SRSF11: variants seen among roughly 807,000 people sequenced by gnomAD.
SRSF11 encodes the protein serine/arginine-rich splicing factor 11.
A neutral mutation model predicts 56.0 loss-of-function variants in SRSF11; 9 were observed. The observed-to-expected ratio is 0.16, with a 90% CI of 0.10 to 0.28. SRSF11 has a LOEUF of 0.28. SRSF11 is among the 10% of genes least tolerant of loss of function. The probability of loss-of-function intolerance (pLI) is 1.00; values close to 1 mark genes in which losing one functional copy is unlikely to be tolerated. For synonymous variants in SRSF11, 222 were observed against 215.3 expected (o/e 1.03, Z -0.27); for missense variants, 421 against 600.7 (o/e 0.70, Z 3.13).
chr1:70,216,150 A>G (rs545572257), intron 1 of SRSF11, among the ~76,000 whole-genome samples: 2 of 152,190 alleles, frequency 1.3e-5, no homozygotes, highest in South Asian at 4.1e-4. Flanking sequence ...GAAGCTTGAG[A>G]TGGAAAAGAA....
At chr1:70,237,287 A>C in intron 5 of SRSF11, 138 bp from the exon 6 acceptor site, 1 of 1,049,638 alleles carries the variant, frequency 9.5e-7, no homozygotes, top group East Asian at 2.6e-5. Context: ...GTTGTTTACC[A>C]AAGTTATCAT....
chr1:70,237,290 G>A, intron 5 of SRSF11, 135 bp from the exon 6 acceptor site: 1 of 1,079,942 alleles, frequency 9.3e-7, no homozygotes, highest in South Asian at 1.5e-5. Flanking sequence ...GTTTACCAAA[G>A]TTATCATGGA....
At chr1:70,233,213 T>G (rs1673202768) in intron 3 of SRSF11, among the ~76,000 whole-genome samples, 1 of 151,906 alleles carries the variant, frequency 6.6e-6, no homozygotes, top group Non-Finnish European at 1.5e-5. Context: ...CTGTTTTGTT[T>G]TGTTTTTTTT....
At chr1:70,232,446 T>C in intron 3 of SRSF11, 69 bp downstream of exon 3, 1 of 1,257,716 alleles carries the variant, frequency 8.0e-7, no homozygotes, top group South Asian at 1.4e-5. Context: ...TAAACATATT[T>C]GAACTTTGTA....
intron 8 of SRSF11, among the ~76,000 whole-genome samples, chr1:70,245,278 T>TAAGCCAAAAA (rs1381414815): frequency 6.6e-6 from 1 of 152,210 alleles, no homozygotes; most frequent in East Asian, 1.9e-4. Context: ...GAAGCAACTC[T>TAAGCCAAAAA]ATATTTGGCA....
In SRSF11 at chr1:70,229,097, G is replaced by A; in HGVS notation, c.337+542G>A. On this transcript the variant is annotated intron_variant, in intron 2 of 11. Coordinates refer to ENST00000370949, the MANE Select transcript of SRSF11 (RefSeq NM_001350605.2). ...TTCCTGTAGCTTAGGTGCCAAATGG[G>A]CACTGGGTGTTTTATTTTATGCCAG... is the stretch of plus-strand genomic sequence containing the variant. The A allele has an allele frequency of 2.6e-6, 3 of 1,170,210 alleles. No homozygotes were observed. The South Asian group carries it at 5.2e-5, about 20-fold the overall frequency. The allele number at this position is 1,170,210 out of a possible 1,614,324, so 72.5% of individuals were successfully genotyped here. A position where few individuals can be genotyped will look rare whatever the true frequency, so the allele number is the denominator to read the frequency against.
chr1:70,207,213 C>T (rs1324130398), intron 1 of SRSF11, among the ~76,000 whole-genome samples: 2 of 151,972 alleles, frequency 1.3e-5, no homozygotes, highest in Non-Finnish European at 2.9e-5. Flanking sequence ...GGAAAACGAC[C>T]GTAGCAGCTT....
rs757811575 is a variant in SRSF11 at position 70,251,627 on chromosome 1, C to G, written c.*822C>G. 1 of 152,400 alleles carries G rather than the reference C, an allele frequency of 6.6e-6. No homozygotes were observed. 9.4% of individuals were successfully genotyped at this position (152,400 alleles called of 1,614,324 possible). A position where few individuals can be genotyped will look rare whatever the true frequency, so the allele number is the denominator to read the frequency against. ...TCTTAAAGGAAAAAAAGAAAAAAACCTTATCTCTTGCCCTTATTTTGAATT... is the reference window on the plus strand; with the variant it reads ...TCTTAAAGGAAAAAAAGAAAAAAACGTTATCTCTTGCCCTTATTTTGAATT... On this transcript the variant is annotated 3_prime_UTR_variant, in exon 12 of 12. Coordinates refer to ENST00000370949, the MANE Select transcript of SRSF11 (RefSeq NM_001350605.2).
chr1:70,236,953 A>G lies in SRSF11; in HGVS notation c.591-472A>G, dbSNP rs1258191489. 4.6e-5 allele frequency among the ~76,000 whole-genome samples: 7 copies of G among 151,604 alleles called. No individual in the cohort carries two copies. In the East Asian group the frequency reaches 9.8e-4, roughly 21 times the overall value. On this transcript the variant is annotated intron_variant, in intron 5 of 11. Transcript: ENST00000370949. ...CAGGCGCCTGCCACCATGCCTGGCT[A>G]GTTTTTTGTATTTTGAGTAGAGATG...
Position 70,221,498 on chromosome 1 carries a change from G to A in SRSF11, c.-139G>A. On this transcript the variant is annotated 5_prime_UTR_variant, in exon 1 of 12. Transcript: ENST00000370949. Reference sequence around the variant, plus strand: ...GGGCGGAGAAACGGCGGCGGCGGCGGCGGCATCGGCAGCAGTAGCAGAGGC... The same window carrying A: ...GGGCGGAGAAACGGCGGCGGCGGCGACGGCATCGGCAGCAGTAGCAGAGGC... 8.0e-7 allele frequency: 1 copy of A among 1,245,214 alleles called. No individual in the cohort carries two copies. The highest frequency in any genetic ancestry group is 1.1e-6 in the Non-Finnish European group (1 of 911,112). The allele number at this position is 1,245,214 out of a possible 1,614,324, so 77.1% of individuals were successfully genotyped here.
chr1:70,240,551 A>G (rs897638073), intron 7 of SRSF11, among the ~76,000 whole-genome samples: 19 of 152,200 alleles, frequency 1.2e-4, no homozygotes, highest in African/African-American at 3.9e-4. Context: ...CAGTTGTGCA[A>G]ACGACAATAT....
intron 1 of SRSF11, chr1:70,222,627 C>T (rs987740011): frequency 6.6e-6 from 1 of 152,124 alleles, no homozygotes; most frequent in African/African-American, 2.4e-5. Context: ...AAGTGTACTA[C>T]TAAAACAGAC....
chr1:70,229,480 G>A (rs945098433), intron 2 of SRSF11: 14 of 984,894 alleles, frequency 1.4e-5, no homozygotes, highest in African/African-American at 3.5e-5. Flanking sequence ...TTTCTAAGGC[G>A]TATTTTATAA....
At chr1:70,224,857 C>T (rs56299138) in intron 1 of SRSF11, among the ~76,000 whole-genome samples, 36,768 of 152,076 alleles carry the variant, frequency 0.24, 5,397 homozygotes, top group African/African-American at 0.39. Context: ...GAAATGCGTA[C>T]TGGAAATGCA....
rs3835560 is a variant in SRSF11, at chr1:70,228,998, GAA to G, written c.337+454_337+455del. ...AAAGCTTCCTCACATTGATAATCTGGAAAAAAAAAAAACACATTGAATTTCAG... is the reference window on the plus strand; with the variant it reads ...AAAGCTTCCTCACATTGATAATCTGGAAAAAAAAAACACATTGAATTTCAG... On this transcript the variant is annotated intron_variant, in intron 2 of 11. Transcript: ENST00000370949. 2.6e-3 allele frequency: 2,208 copies of G among 839,608 alleles called. 28 individuals are homozygous for G. In the African/African-American group the frequency reaches 0.034, roughly 13 times the overall value. 52.0% of individuals were successfully genotyped at this position (839,608 alleles called of 1,614,324 possible). A position where few individuals can be genotyped will look rare whatever the true frequency, so the allele number is the denominator to read the frequency against.
intron 1 of SRSF11, among the ~76,000 whole-genome samples, chr1:70,224,194 A>C (rs1671264784): frequency 6.6e-6 from 1 of 152,074 alleles, no homozygotes; most frequent in African/African-American, 2.4e-5. Context: ...AAGAGACTTG[A>C]GCATCTGTGG....
chr1:70,228,552 G>A lies in SRSF11; in HGVS notation c.334G>A (p.Glu112Lys). 1.2e-6 allele frequency: 2 copies of A among 1,612,526 alleles called. No homozygotes were observed. The highest frequency in any genetic ancestry group is 1.7e-6 in the Non-Finnish European group (2 of 1,179,252). ...DRALIVVPYA[E>K]GVIPDEAKAL... Reference sequence around the variant, plus strand: ...AGCTTTGATAGTCGTACCATATGCAGAAGGTTTGTGCTTTGTTTAACTACC... The same window carrying A: ...AGCTTTGATAGTCGTACCATATGCAAAAGGTTTGTGCTTTGTTTAACTACC... Residue 112 changes from glutamate (E) to lysine (K), a missense_variant, in exon 2 of 12, where the codon GAA becomes AAA. This residue lies in a region of SRSF11 where 168 missense variants were observed against 294.9 expected (regional missense o/e 0.57). Coordinates refer to ENST00000370949, the MANE Select transcript of SRSF11 (RefSeq NM_001350605.2).
Position 70,221,414 on chromosome 1 carries a change from T to G in SRSF11, c.-223T>G, listed in dbSNP as rs1013591926. 2,208 of 447,512 alleles carry G rather than the reference T, an allele frequency of 4.9e-3. No individual in the cohort carries two copies. The highest frequency in any genetic ancestry group is 8.5e-3 in the East Asian group (194 of 22,926). The allele number at this position is 447,512 out of a possible 1,614,324, so 27.7% of individuals were successfully genotyped here. A position where few individuals can be genotyped will look rare whatever the true frequency, so the allele number is the denominator to read the frequency against. On this transcript the variant is annotated 5_prime_UTR_variant, in exon 1 of 12. Transcript: ENST00000370949. ...GTTGGAGGCGAGGTGGGGCGGCCGT[T>G]TGTTTTCTCGTGGTCTCGAGCTCGC... is the stretch of plus-strand genomic sequence containing the variant.
chr1:70,216,915 C>G (rs892283058), upstream of SRSF11, among the ~76,000 whole-genome samples: 5 of 152,216 alleles, frequency 3.3e-5, no homozygotes, highest in Admixed American at 2.0e-4. Context: ...ATTCACTTCA[C>G]AAAGAGTGGA....
Sources: gnomAD v4.1 joint callset for allele counts (sites outside exome capture counted in the v4.1 genomes callset) on GRCh38, gnomAD v4.1.1 for gene constraint, gnomAD v4.1.1 regional missense constraint, MANE v1.5 for transcripts, NCBI Gene and HGNC (gene_info 2026-07-23, HGNC 2026-07-21) for gene names.